LGSN: variants seen among roughly 807,000 people sequenced by gnomAD.
LGSN encodes lengsin, lens protein with glutamine synthetase domain, also known as lengsin.
In LGSN, 21 loss-of-function variants were observed where a neutral mutation model predicts 19.5. The observed-to-expected ratio is 1.07, with a 90% CI of 0.76 to 1.55. The LOEUF is 1.55. Ranked by LOEUF, LGSN falls within the 40% of genes most tolerant of loss-of-function variation. The pLI is 0.00. For synonymous variants in LGSN, 257 were observed against 215.6 expected (o/e 1.19, Z -1.68); for missense variants, 673 against 608.5 (o/e 1.11, Z -1.12).
rs1767110540 is a variant in LGSN at position 63,276,561 on chromosome 6, A to G, written c.*3460T>C. 6.6e-6 allele frequency: 1 copy of G among 152,208 alleles called. No homozygotes were observed. Among genetic ancestry groups the G allele is most frequent in the Admixed American group, 6.5e-5 (1 of 15,282 alleles). 9.4% of individuals were successfully genotyped at this position (152,208 alleles called of 1,614,324 possible). On this transcript the variant is annotated 3_prime_UTR_variant, in exon 4 of 4. Coordinates refer to ENST00000370657, the MANE Select transcript of LGSN (RefSeq NM_016571.3). ...ATAAGAAAGCAATTTTTGTAAAGCT[A>G]TTTATAAGGCACCCTTTTCGAGCCA... is the stretch of plus-strand genomic sequence containing the variant.
chr6:63,549,371 G>T, the LGSN span: 1 of 753,848 alleles, frequency 1.3e-6, no homozygotes, highest in South Asian at 1.4e-5. Context: ...TCTCTTTTGG[G>T]CTGAATGTCC....
the LGSN span, among the ~76,000 whole-genome samples, chr6:63,530,429 TG>T: frequency 6.6e-6 from 1 of 152,162 alleles, no homozygotes; most frequent in Non-Finnish European, 1.5e-5. Context: ...GTAGTTGGGA[TG>T]GTACCATAAG....
At chr6:63,284,116 A>G (rs1235836296) in intron 3 of LGSN, among the ~76,000 whole-genome samples, 1 of 152,216 alleles carries the variant, frequency 6.6e-6, no homozygotes, top group East Asian at 1.9e-4. Flanking sequence ...ACAAGTTTCA[A>G]AAATAAATTT....
chr6:63,429,900 G>C, the LGSN span, among the ~76,000 whole-genome samples: 942 of 152,232 alleles, frequency 6.2e-3, 6 homozygotes, highest in Admixed American at 0.011. Context: ...TATAGTTGCT[G>C]TTCAGGTCAT....
At chr6:63,524,597 A>G in the LGSN span, among the ~76,000 whole-genome samples, 1 of 152,216 alleles carries the variant, frequency 6.6e-6, no homozygotes. Context: ...TTAAAAATGT[A>G]AAAATAAAAT....
the LGSN span, among the ~76,000 whole-genome samples, chr6:63,485,499 C>T: frequency 1.3e-5 from 2 of 152,056 alleles, no homozygotes; most frequent in South Asian, 2.1e-4. Context: ...TGAATATATG[C>T]GTACATGTGT....
chr6:63,567,786 T>G, the LGSN span, among the ~76,000 whole-genome samples: 1 of 152,248 alleles, frequency 6.6e-6, no homozygotes, highest in South Asian at 2.1e-4. Flanking sequence ...TTTGTCTACA[T>G]TGAAAATCTG....
the LGSN span, among the ~76,000 whole-genome samples, chr6:63,407,351 C>T: frequency 1.3e-5 from 2 of 151,984 alleles, no homozygotes; most frequent in Non-Finnish European, 2.9e-5. Context: ...GGGCTTCATC[C>T]CTGGGATGCA....
At chr6:63,365,907 C>G in the LGSN span, among the ~76,000 whole-genome samples, 7 of 152,192 alleles carry the variant, frequency 4.6e-5, no homozygotes, top group Non-Finnish European at 1.0e-4. Flanking sequence ...GCTAAAAACT[C>G]TCAATAAACT....
the LGSN span, among the ~76,000 whole-genome samples, chr6:63,569,200 A>C: frequency 1.3e-5 from 2 of 152,308 alleles, no homozygotes; most frequent in Admixed American, 1.3e-4. Flanking sequence ...AAGATTTGCC[A>C]ATCTTCCTCT....
At chr6:63,302,909 T>A (rs1003233302) in intron 1 of LGSN, among the ~76,000 whole-genome samples, 13 of 152,002 alleles carry the variant, frequency 8.6e-5, no homozygotes, top group African/African-American at 3.1e-4. Context: ...GGTGGATCAC[T>A]CGAGGTCAGG....
the LGSN span, among the ~76,000 whole-genome samples, chr6:63,526,669 G>T: frequency 6.6e-6 from 1 of 151,286 alleles, no homozygotes; most frequent in Non-Finnish European, 1.5e-5. Flanking sequence ...TTAGCTGGAC[G>T]TGGTGGCGTG....
the LGSN span, among the ~76,000 whole-genome samples, chr6:63,492,457 C>T: frequency 6.6e-6 from 1 of 152,230 alleles, no homozygotes. Flanking sequence ...GACTTCACAA[C>T]ACTTGTGCAC....
chr6:63,474,526 A>G, the LGSN span, among the ~76,000 whole-genome samples: 1 of 146,440 alleles, frequency 6.8e-6, no homozygotes, highest in Non-Finnish European at 1.5e-5. Flanking sequence ...GGAGAATGGC[A>G]TGAACCTGGG....
the LGSN span, among the ~76,000 whole-genome samples, chr6:63,453,722 C>T: frequency 6.6e-6 from 1 of 151,980 alleles, no homozygotes; most frequent in Non-Finnish European, 1.5e-5. Context: ...GGCGGGATCT[C>T]GGCTCACTGC....
the LGSN span, among the ~76,000 whole-genome samples, chr6:63,502,947 GAATT>G: frequency 2.0e-5 from 3 of 152,114 alleles, no homozygotes; most frequent in African/African-American, 7.2e-5. Flanking sequence ...AAGAATCTAT[GAATT>G]AATTAATCAA....
the LGSN span, among the ~76,000 whole-genome samples, chr6:63,521,099 G>C: frequency 6.6e-6 from 1 of 152,082 alleles, no homozygotes; most frequent in African/African-American, 2.4e-5. Flanking sequence ...GGGGGAAAAG[G>C]GGAGGGAGAG....
At chr6:63,400,860 G>T in the LGSN span, among the ~76,000 whole-genome samples, 4 of 152,244 alleles carry the variant, frequency 2.6e-5, no homozygotes, top group African/African-American at 9.6e-5. Flanking sequence ...TGGGCATGGT[G>T]GTGGGCGCCT....
chr6:63,443,914 C>CA, the LGSN span, among the ~76,000 whole-genome samples: 82,735 of 141,018 alleles, frequency 0.59, 23,546 homozygotes, highest in South Asian at 0.61. Context: ...CAGCTGTCAC[C>CA]AAAAAAAAAA....
Sources: gnomAD v4.1 joint callset for allele counts (sites outside exome capture counted in the v4.1 genomes callset) on GRCh38, gnomAD v4.1.1 for gene constraint, MANE v1.5 for transcripts, NCBI Gene and HGNC (gene_info 2026-07-23, HGNC 2026-07-21) for gene names.